LPAR3: variants seen among roughly 807,000 people sequenced by gnomAD.
LPAR3 encodes LPA receptor 3.
LPAR3 carries 7 observed loss-of-function variants against 17.8 expected under a neutral mutation model. That is an observed-to-expected ratio of 0.39 (90% CI 0.22 to 0.74). LPAR3 has a LOEUF of 0.74. LPAR3 is among the 30% of genes least tolerant of loss of function. The pLI is 0.40. For missense variants in LPAR3, 391 were observed against 453.4 expected (o/e 0.86, Z 1.25); for synonymous variants, 179 against 179.9 (o/e 0.99, Z 0.04).
At position 84,811,725 on chromosome 1, in the gene LPAR3, A is replaced by G. The variant is rs1220361738; in HGVS notation, c.*2121T>C. On this transcript the variant is annotated 3_prime_UTR_variant, in exon 3 of 3. Coordinates refer to ENST00000370611, the MANE Select transcript of LPAR3 (RefSeq NM_012152.3). ...ATAATATTCTCTATTTTAGGCTATT[A>G]TATTTAGAAGCATGACATCTCAAAT... 2 of 152,242 alleles carry G rather than the reference A, an allele frequency of 1.3e-5. No individual in the cohort carries two copies. The highest frequency in any genetic ancestry group is 4.8e-5 in the African/African-American group (2 of 41,464). The allele number at this position is 152,242 out of a possible 1,614,324, so 9.4% of individuals were successfully genotyped here.
chr1:84,890,081 C>G (rs1389392656), intron 1 of LPAR3, among the ~76,000 whole-genome samples: 1 of 152,150 alleles, frequency 6.6e-6, no homozygotes, highest in African/African-American at 2.4e-5. Flanking sequence ...GCAGATAGCT[C>G]CCCAGCCCCA....
Position 84,866,038 on chromosome 1 carries a change from G to A in LPAR3, c.83C>T (p.Thr28Ile), listed in dbSNP as rs780147094. 1 of 1,614,088 alleles carries A rather than the reference G, an allele frequency of 6.2e-7. No individual in the cohort carries two copies. The highest frequency in any genetic ancestry group is 1.1e-5 in the South Asian group (1 of 91,074). Reference sequence around the variant, plus strand: ...AACACACAAAACAATCACAAGCTTTGTTCCTGTCCAGTCATCGACAGTATC... The same window carrying A: ...AACACACAAAACAATCACAAGCTTTATTCCTGTCCAGTCATCGACAGTATC... The part of the protein sequence containing the change: ...NTDTVDDWTG[T>I]KLVIVLCVGT... Residue 28 changes from threonine (T) to isoleucine (I), a missense_variant, in exon 2 of 3, where the codon ACA (threonine) becomes ATA (isoleucine). Physicochemically the swap from Thr to Ile is moderately conservative, Grantham distance 89. Coordinates refer to ENST00000370611, the MANE Select transcript of LPAR3 (RefSeq NM_012152.3).
intron 1 of LPAR3, among the ~76,000 whole-genome samples, chr1:84,892,615 C>A (rs1196137046): frequency 6.6e-6 from 1 of 152,176 alleles, no homozygotes; most frequent in Non-Finnish European, 1.5e-5. Flanking sequence ...CTAGGCTTCA[C>A]GAGAGAACCC....
In LPAR3 at chr1:84,835,989, G is replaced by GC. The variant is rs1245695848; in HGVS notation, c.737-21819dup. ...TACCTGGTGTTGTATGAATATGAAT[G>GC]CCCCCCCAACCCCGGCCTTTTTTTT... On this transcript the variant is annotated intron_variant, in intron 2 of 2. Transcript: ENST00000370611. Among the ~76,000 whole-genome samples, 7 of 133,374 alleles carry GC rather than the reference G, an allele frequency of 5.2e-5. 1 individual carries two copies. The South Asian group carries it at 9.7e-4, about 18-fold the overall frequency. The allele number at this position is 133,374 out of a possible 152,430, so 87.5% of individuals were successfully genotyped here.
intron 2 of LPAR3, among the ~76,000 whole-genome samples, chr1:84,843,157 C>A (rs1659537307): frequency 6.6e-6 from 1 of 152,196 alleles, no homozygotes; most frequent in Non-Finnish European, 1.5e-5. Context: ...GTCTGGCCTG[C>A]AGAAAATCTA....
In LPAR3 at chr1:84,865,869, T is replaced by A; in HGVS notation, c.252A>T (p.Val84=). The A allele has an allele frequency of 6.2e-7, 1 of 1,614,100 alleles. No homozygotes were observed. Among genetic ancestry groups the A allele is most frequent in the Non-Finnish European group, 8.5e-7 (1 of 1,180,028 alleles). ...CTGGGCCTGTGTTAAACATCAGGAA[T>A]ACATAGGCAATTCCAGCGAAGAAAT... ...AADFFAGIAY[V]FLMFNTGPVS... Residue 84 remains valine, a synonymous_variant, in exon 2 of 3, where the codon GTA becomes GTT. Transcript: ENST00000370611.
At chr1:84,825,381 A>G (rs80189458) in intron 2 of LPAR3, among the ~76,000 whole-genome samples, 1 of 152,204 alleles carries the variant, frequency 6.6e-6, no homozygotes, top group African/African-American at 2.4e-5. Context: ...CACTGGGAAT[A>G]GCAAGATAAG....
intron 1 of LPAR3, among the ~76,000 whole-genome samples, chr1:84,873,676 G>A (rs116210659): frequency 2.4e-4 from 37 of 152,078 alleles, no homozygotes; most frequent in African/African-American, 8.2e-4. Flanking sequence ...TCTTGAGAAA[G>A]CTAAACCCTC....
intron 2 of LPAR3, among the ~76,000 whole-genome samples, chr1:84,826,013 G>A (rs957761529): frequency 1.3e-5 from 2 of 152,084 alleles, no homozygotes; most frequent in East Asian, 1.9e-4. Context: ...TGAGTGTAAG[G>A]TCTTGCTGGG....
chr1:84,846,569 A>G (rs1031424805), intron 2 of LPAR3, among the ~76,000 whole-genome samples: 3 of 152,124 alleles, frequency 2.0e-5, no homozygotes, highest in African/African-American at 4.8e-5. Context: ...ACTTCATTCC[A>G]TGCTTCCTCA....
chr1:84,853,392 T>C (rs576770873), intron 2 of LPAR3, among the ~76,000 whole-genome samples: 5 of 152,232 alleles, frequency 3.3e-5, no homozygotes, highest in Admixed American at 2.0e-4. Flanking sequence ...AAAGCAAAGA[T>C]TGGGAGGTCA....
intron 1 of LPAR3, among the ~76,000 whole-genome samples, chr1:84,870,839 G>A (rs1043454582): frequency 4.6e-5 from 7 of 152,218 alleles, no homozygotes; most frequent in African/African-American, 1.7e-4. Context: ...ATCTCCACAG[G>A]CATGTGAAAC....
chr1:84,814,443 A>T (rs1658894085), intron 2 of LPAR3, among the ~76,000 whole-genome samples: 1 of 152,152 alleles, frequency 6.6e-6, no homozygotes, highest in Non-Finnish European at 1.5e-5. Flanking sequence ...TCACATTTAC[A>T]TTCTGCTTAG....
intron 1 of LPAR3, among the ~76,000 whole-genome samples, chr1:84,883,674 T>G (rs956186912): frequency 3.9e-5 from 6 of 151,968 alleles, no homozygotes; most frequent in Admixed American, 3.9e-4. Flanking sequence ...AATTGGGGAC[T>G]GATTCACCCT....
intron 2 of LPAR3, among the ~76,000 whole-genome samples, chr1:84,828,269 C>G (rs1034227032): frequency 2.0e-5 from 3 of 152,064 alleles, no homozygotes; most frequent in Non-Finnish European, 2.9e-5. Flanking sequence ...CTTTTTTATG[C>G]TTTTTGCTGC....
At chr1:84,828,715 T>A (rs951537508) in intron 2 of LPAR3, among the ~76,000 whole-genome samples, 2 of 152,192 alleles carry the variant, frequency 1.3e-5, no homozygotes, top group East Asian at 3.9e-4. Context: ...TATACACTTT[T>A]CTTCATTTTC....
chr1:84,833,173 C>T (rs547751455), intron 2 of LPAR3, among the ~76,000 whole-genome samples: 2 of 152,188 alleles, frequency 1.3e-5, no homozygotes, highest in East Asian at 3.8e-4. Flanking sequence ...CTAAAGATAT[C>T]ATGACACTCA....
chr1:84,831,852 C>T (rs940445167), intron 2 of LPAR3, among the ~76,000 whole-genome samples: 18 of 145,254 alleles, frequency 1.2e-4, no homozygotes, highest in Non-Finnish European at 2.1e-4. Flanking sequence ...ATATAATATA[C>T]ATATATCATA....
At chr1:84,859,731 G>T (rs967131251) in intron 2 of LPAR3, among the ~76,000 whole-genome samples, 5 of 152,200 alleles carry the variant, frequency 3.3e-5, no homozygotes, top group African/African-American at 1.2e-4. Flanking sequence ...CTAAAGGACA[G>T]GAGGGTTCAT....
Sources: allele counts gnomAD v4.1 joint callset (sites outside exome capture counted in the v4.1 genomes callset), GRCh38; gene constraint gnomAD v4.1.1; transcripts MANE v1.5; gene names NCBI Gene and HGNC (gene_info 2026-07-23, HGNC 2026-07-21).